The following FGF12 variants were observed in gnomAD, a reference collection of about 807,000 sequenced individuals.
The protein encoded by FGF12 is fibroblast growth factor 12.
FGF12 carries 14 observed loss-of-function variants against 23.6 expected under a neutral mutation model. That is an observed-to-expected ratio of 0.59 (90% CI 0.39 to 0.93). FGF12 has a LOEUF of 0.93. Among genes scored for constraint, FGF12 ranks in the 40% least tolerant of loss-of-function variants. The pLI is 0.00. For missense variants in FGF12, 175 were observed against 217.8 expected (o/e 0.80, Z 1.24); for synonymous variants, 62 against 77.3 (o/e 0.80, Z 1.04).
intron 2 of FGF12, among the ~76,000 whole-genome samples, chr3:192,637,836 A>G (rs1715641073): frequency 6.6e-6 from 1 of 152,258 alleles, no homozygotes; most frequent in South Asian, 2.1e-4. Flanking sequence ...ATTTTGAAGC[A>G]TCTGTTCTAA....
chr3:192,222,986 G>T (rs943814542), intron 4 of FGF12, among the ~76,000 whole-genome samples: 1 of 152,228 alleles, frequency 6.6e-6, no homozygotes, highest in South Asian at 2.1e-4. Context: ...TCAGTTGCAC[G>T]TATTCCGCAC....
chr3:192,164,192 G>A (rs1369825451), intron 5 of FGF12, among the ~76,000 whole-genome samples: 1 of 152,010 alleles, frequency 6.6e-6, no homozygotes, highest in Admixed American at 6.6e-5. Flanking sequence ...TAAAGGGGGA[G>A]GTCACCACTA....
In FGF12 at chr3:192,335,710, T is replaced by C. The variant is rs76279263; in HGVS notation, c.125-246A>G. On this transcript the variant is annotated intron_variant, in intron 3 of 5. Coordinates refer to ENST00000445105, the MANE Select transcript of FGF12 (RefSeq NM_004113.6). Reference sequence around the variant, plus strand: ...TAAAGGGGTTGGATTAGAAGGTCTCTAAAGGCCCAGCTGGATCTGAGATTT... The same window carrying C: ...TAAAGGGGTTGGATTAGAAGGTCTCCAAAGGCCCAGCTGGATCTGAGATTT... Among the ~76,000 whole-genome samples the C allele has an allele frequency of 0.011, 1,619 of 152,262 alleles. 20 individuals carry two copies. Among genetic ancestry groups the C allele is most frequent in the African/African-American group, 0.037 (1,547 of 41,582 alleles).
At position 192,623,018 on chromosome 3, in the gene FGF12, C is replaced by G. The variant is rs186002711; in HGVS notation, c.13+104163G>C. On this transcript the variant is annotated intron_variant, in intron 2 of 5. Transcript: ENST00000445105. The stretch of plus-strand genomic sequence containing the variant: ...TGGCATATCTCCCTTCCTTTCCCCT[C>G]TGTTTACGTTGGGATAATCAAAGTG... Among the ~76,000 whole-genome samples, 194 of 152,314 alleles carry G rather than the reference C, an allele frequency of 1.3e-3. 1 individual carries two copies. Among genetic ancestry groups the G allele is most frequent in the Non-Finnish European group, 2.1e-3 (140 of 68,014 alleles).
intron 5 of FGF12, among the ~76,000 whole-genome samples, chr3:192,149,083 T>C (rs563611495): frequency 6.6e-6 from 1 of 152,292 alleles, no homozygotes; most frequent in East Asian, 1.9e-4. Context: ...AGGCTCAATA[T>C]GATAGCAAGT....
intron 4 of FGF12, among the ~76,000 whole-genome samples, chr3:192,253,281 T>C (rs998085800): frequency 2.6e-5 from 4 of 152,094 alleles, no homozygotes; most frequent in African/African-American, 9.7e-5. Context: ...TGTTGGATTT[T>C]TGCTCCTAGA....
At chr3:192,563,779 C>T (rs2108596572) in intron 2 of FGF12, among the ~76,000 whole-genome samples, 1 of 152,274 alleles carries the variant, frequency 6.6e-6, no homozygotes, top group African/African-American at 2.4e-5. Context: ...TCCAGATTGC[C>T]TGATTTGAAA....
At chr3:192,494,517 C>T (rs1469259939) in intron 2 of FGF12, among the ~76,000 whole-genome samples, 1 of 152,162 alleles carries the variant, frequency 6.6e-6, no homozygotes, top group Non-Finnish European at 1.5e-5. Flanking sequence ...TTTACCTGTT[C>T]CTTCTGAGTC....
At chr3:192,171,132 A>G (rs78693023) in intron 4 of FGF12, among the ~76,000 whole-genome samples, 8,784 of 152,288 alleles carry the variant, frequency 0.058, 379 homozygotes, top group South Asian at 0.23. Context: ...TTGGTCAGGA[A>G]AATCACCACT....
rs566205096 is a variant in FGF12 at position 192,655,049 on chromosome 3, AT to A, written c.13+72131del. Among the ~76,000 whole-genome samples the A allele has an allele frequency of 5.8e-4, 89 of 152,322 alleles. 2 individuals are homozygous for A. The highest frequency in any genetic ancestry group is 2.0e-3 in the African/African-American group (85 of 41,576). On this transcript the variant is annotated intron_variant, in intron 2 of 5. Transcript: ENST00000445105. ...AACAAATTTTAGGAGTAATAACTCAATATTAATATAGTAAATTTTGCTGTAT... is the reference window on the plus strand; with the variant it reads ...AACAAATTTTAGGAGTAATAACTCAAATTAATATAGTAAATTTTGCTGTAT...
chr3:192,157,294 A>T (rs1269691520), intron 5 of FGF12, among the ~76,000 whole-genome samples: 1 of 152,222 alleles, frequency 6.6e-6, no homozygotes, highest in Non-Finnish European at 1.5e-5. Flanking sequence ...TGGTAACACA[A>T]ATACAATGCA....
chr3:192,229,252 T>C (rs1222019597), intron 4 of FGF12, among the ~76,000 whole-genome samples: 2 of 152,032 alleles, frequency 1.3e-5, no homozygotes, highest in Non-Finnish European at 2.9e-5. Flanking sequence ...AGAATGTCTT[T>C]CCATTTTACC....
intron 4 of FGF12, among the ~76,000 whole-genome samples, chr3:192,256,036 C>A (rs983340273): frequency 6.6e-6 from 1 of 151,976 alleles, no homozygotes; most frequent in Admixed American, 6.6e-5. Flanking sequence ...TTATGCTATT[C>A]CAGAAGATGA....
chr3:192,399,913 A>C (rs1720684556), intron 2 of FGF12, among the ~76,000 whole-genome samples: 2 of 152,238 alleles, frequency 1.3e-5, no homozygotes, highest in Admixed American at 1.3e-4. Context: ...GAGTACAGTC[A>C]TCCCTCCCTA....
chr3:192,226,822 A>G (rs1262566935), intron 4 of FGF12, among the ~76,000 whole-genome samples: 1 of 152,168 alleles, frequency 6.6e-6, no homozygotes, highest in Non-Finnish European at 1.5e-5. Context: ...GTGAGGAATC[A>G]TATATGTCAC....
chr3:192,579,649 G>A (rs183572235), intron 2 of FGF12, among the ~76,000 whole-genome samples: 15 of 152,276 alleles, frequency 9.9e-5, no homozygotes, highest in African/African-American at 2.6e-4. Flanking sequence ...TGCCTCCGGG[G>A]TTCAATGCCT....
intron 2 of FGF12, among the ~76,000 whole-genome samples, chr3:192,420,325 A>G (rs889889306): frequency 2.0e-5 from 3 of 150,450 alleles, no homozygotes; most frequent in African/African-American, 7.4e-5. Context: ...AGTTGCAGTC[A>G]TGGTTATTTC....
rs181777368 is a variant in FGF12 at position 192,564,208 on chromosome 3, C to T, written c.13+162973G>A. ...CCTTCTGAGTAGCTGGGATTACAGGCGCCCGCCACCATGCCCGGCTAATTT... is the reference window on the plus strand; with the variant it reads ...CCTTCTGAGTAGCTGGGATTACAGGTGCCCGCCACCATGCCCGGCTAATTT... On this transcript the variant is annotated intron_variant, in intron 2 of 5. Transcript: ENST00000445105. Among the ~76,000 whole-genome samples, 334 of 152,114 alleles carry T rather than the reference C, an allele frequency of 2.2e-3. 1 individual carries two copies. The highest frequency in any genetic ancestry group is 6.9e-3 in the African/African-American group (288 of 41,510).
intron 2 of FGF12, among the ~76,000 whole-genome samples, chr3:192,463,342 C>T (rs1041353776): frequency 2.0e-5 from 3 of 152,036 alleles, no homozygotes; most frequent in African/African-American, 7.3e-5. Context: ...ATCTCTTGAA[C>T]CTGGGAGGCA....
Sources: allele counts gnomAD v4.1 joint callset (sites outside exome capture counted in the v4.1 genomes callset), GRCh38; gene constraint gnomAD v4.1.1; transcripts MANE v1.5; gene names NCBI Gene and HGNC (gene_info 2026-07-23, HGNC 2026-07-21).